TSHZ1: variants seen among roughly 807,000 people sequenced by gnomAD.
The protein encoded by TSHZ1 is teashirt zinc finger homeobox 1.
Under a neutral mutation model 67.1 loss-of-function variants are expected in TSHZ1, and 12 were observed. The ratio of observed to expected loss-of-function variants is 0.18; its 90% CI spans 0.11 to 0.29. The LOEUF (loss-of-function observed/expected upper bound fraction) is 0.29. Among genes scored for constraint, TSHZ1 ranks in the 10% least tolerant of loss-of-function variants. TSHZ1 has a pLI of 1.00. For missense variants in TSHZ1, 1,305 were observed against 1,413.9 expected (o/e 0.92, Z 1.23); for synonymous variants, 632 against 622.4 (o/e 1.02, Z -0.23).
intron 1 of TSHZ1, among the ~76,000 whole-genome samples, chr18:75,276,479 C>T (rs2023614827): frequency 6.6e-6 from 1 of 151,856 alleles, no homozygotes; most frequent in South Asian, 2.1e-4. Context: ...TTTTTGTTTC[C>T]CAGCGTATTC....
At chr18:75,232,983 G>A (rs1361339694) in intron 1 of TSHZ1, among the ~76,000 whole-genome samples, 1 of 152,166 alleles carries the variant, frequency 6.6e-6, no homozygotes, top group Non-Finnish European at 1.5e-5. Flanking sequence ...AAGGGACTGG[G>A]GGTCTGTATT....
chr18:75,263,268 T>G (rs771997312), intron 1 of TSHZ1, among the ~76,000 whole-genome samples: 19 of 152,242 alleles, frequency 1.2e-4, no homozygotes, highest in Non-Finnish European at 2.8e-4. Flanking sequence ...TTTATCGCTT[T>G]GACTTATGAC....
Position 75,215,932 on chromosome 18 carries a change from T to A in TSHZ1, c.40+4016T>A, listed in dbSNP as rs1323557813. Among the ~76,000 whole-genome samples, 6 of 151,720 alleles carry A rather than the reference T, an allele frequency of 4.0e-5. No individual in the cohort carries two copies. In the South Asian group the frequency reaches 8.4e-4, roughly 21 times the overall value. ...TCTGCTGGGAGTGTGTGTGCTGGAGTCTCTGTGCTTATACTCTGTGTATGT... is the reference window on the plus strand; with the variant it reads ...TCTGCTGGGAGTGTGTGTGCTGGAGACTCTGTGCTTATACTCTGTGTATGT... On this transcript the variant is annotated intron_variant, in intron 1 of 1. Coordinates refer to ENST00000580243, the MANE Select transcript of TSHZ1 (RefSeq NM_001308210.2).
At position 75,210,902 on chromosome 18, in the gene TSHZ1, G is replaced by C. The variant is rs868515398; in HGVS notation, c.-975G>C. 1.3e-5 allele frequency: 2 copies of C among 151,126 alleles called. No homozygotes were observed. Among genetic ancestry groups the C allele is most frequent in the East Asian group, 2.0e-4 (1 of 5,098 alleles). 9.4% of individuals were successfully genotyped at this position (151,126 alleles called of 1,614,324 possible). A position where few individuals can be genotyped will look rare whatever the true frequency, so the allele number is the denominator to read the frequency against. On this transcript the variant is annotated 5_prime_UTR_variant, in exon 1 of 2. Coordinates refer to ENST00000580243, the MANE Select transcript of TSHZ1 (RefSeq NM_001308210.2). ...CCTCTCTCCCAGGAGTTTGAGGGGG[G>C]GGGGGACAGTCCACGCTCATCTCGC...
intron 1 of TSHZ1, among the ~76,000 whole-genome samples, chr18:75,222,752 C>A (rs533030501): frequency 2.0e-5 from 3 of 152,312 alleles, no homozygotes; most frequent in Admixed American, 2.0e-4. Context: ...TGTGGAGACA[C>A]ATTCGAATCC....
intron 1 of TSHZ1, among the ~76,000 whole-genome samples, chr18:75,251,348 C>G (rs1197660502): frequency 6.6e-6 from 1 of 151,836 alleles, no homozygotes; most frequent in Non-Finnish European, 1.5e-5. Context: ...GGGTCTTTTT[C>G]TTTCTTGTTT....
At chr18:75,267,012 A>G (rs934075995) in intron 1 of TSHZ1, among the ~76,000 whole-genome samples, 1 of 152,248 alleles carries the variant, frequency 6.6e-6, no homozygotes, top group Non-Finnish European at 1.5e-5. Context: ...AGCATTTTCA[A>G]AATTTTCTGA....
intron 1 of TSHZ1, among the ~76,000 whole-genome samples, chr18:75,282,199 G>T (rs1371952928): frequency 6.6e-6 from 1 of 152,208 alleles, no homozygotes; most frequent in Non-Finnish European, 1.5e-5. Context: ...AGAATGGACT[G>T]TCTTGGAGCG....
At chr18:75,232,690 C>T (rs570159407) in intron 1 of TSHZ1, among the ~76,000 whole-genome samples, 1 of 152,250 alleles carries the variant, frequency 6.6e-6, no homozygotes, top group Non-Finnish European at 1.5e-5. Flanking sequence ...CCAGTTCATT[C>T]ACATTTTAAA....
intron 1 of TSHZ1, among the ~76,000 whole-genome samples, chr18:75,236,621 A>G (rs1281384379): frequency 6.6e-6 from 1 of 152,182 alleles, no homozygotes; most frequent in Non-Finnish European, 1.5e-5. Context: ...CCATGGGGAC[A>G]GGGGTTTTGT....
chr18:75,231,103 C>T (rs1200863309), intron 1 of TSHZ1, among the ~76,000 whole-genome samples: 1 of 152,196 alleles, frequency 6.6e-6, no homozygotes, highest in Non-Finnish European at 1.5e-5. Flanking sequence ...AGTTTCTCTC[C>T]AGTGGTGGAG....
At chr18:75,246,051 C>T (rs893695070) in intron 1 of TSHZ1, among the ~76,000 whole-genome samples, 17 of 152,334 alleles carry the variant, frequency 1.1e-4, no homozygotes, top group African/African-American at 3.6e-4. Context: ...CTTCCAGGCA[C>T]GTCACCAGCA....
At chr18:75,234,597 T>C (rs956154041) in intron 1 of TSHZ1, among the ~76,000 whole-genome samples, 34 of 151,912 alleles carry the variant, frequency 2.2e-4, no homozygotes, top group African/African-American at 3.1e-4. Flanking sequence ...GGTTTTTTTT[T>C]CCCCCCATTA....
At chr18:75,254,370 G>A (rs143674697) in intron 1 of TSHZ1, among the ~76,000 whole-genome samples, 6 of 152,262 alleles carry the variant, frequency 3.9e-5, no homozygotes, top group Middle Eastern at 3.4e-3. Context: ...GTAAAACCTC[G>A]TCTATGCAGA....
Position 75,288,837 on chromosome 18 carries a change from T to C in TSHZ1, c.*196T>C. ...CATGTTATTTTTCTTTTTCCGTGAG[T>C]CAAAGTCTGACCTTTATTTTCAACA... On this transcript the variant is annotated 3_prime_UTR_variant, in exon 2 of 2. Coordinates refer to ENST00000580243, the MANE Select transcript of TSHZ1 (RefSeq NM_001308210.2). This position sits in a 1 kb window ranked among gnomAD's most constrained non-coding sequence, Gnocchi z 4.9. 2.2e-6 allele frequency: 2 copies of C among 890,530 alleles called. No homozygotes were observed. The highest frequency in any genetic ancestry group is 1.6e-6 in the Non-Finnish European group (1 of 637,152). 55.2% of individuals were successfully genotyped at this position (890,530 alleles called of 1,614,324 possible). A position where few individuals can be genotyped will look rare whatever the true frequency, so the allele number is the denominator to read the frequency against.
intron 1 of TSHZ1, among the ~76,000 whole-genome samples, chr18:75,258,821 G>A (rs1190268786): frequency 1.3e-5 from 2 of 152,120 alleles, no homozygotes; most frequent in Non-Finnish European, 2.9e-5. Context: ...GCAGGTGACT[G>A]TGCCATCCAC....
chr18:75,237,511 G>C (rs1226475895), intron 1 of TSHZ1, among the ~76,000 whole-genome samples: 2 of 152,060 alleles, frequency 1.3e-5, no homozygotes, highest in Non-Finnish European at 2.9e-5. Flanking sequence ...AACCGAGAAA[G>C]GCCTTGTCTT....
intron 1 of TSHZ1, among the ~76,000 whole-genome samples, chr18:75,272,849 T>A (rs1158261120): frequency 6.6e-6 from 1 of 152,254 alleles, no homozygotes; most frequent in Non-Finnish European, 1.5e-5. Context: ...GACAGTGTTA[T>A]TTACTATCCA....
rs137883380 is a variant in TSHZ1 at position 75,269,011 on chromosome 18, T to A, written c.41-16437T>A. On this transcript the variant is annotated intron_variant, in intron 1 of 1. Transcript: ENST00000580243. ...AAGAACTGTGTTTGATTGACGACAG[T>A]GAGGCTTCATGTTGACTGCCACATG... Among the ~76,000 whole-genome samples the A allele has an allele frequency of 2.5e-3, 386 of 152,312 alleles. 4 individuals carry two copies. The highest frequency in any genetic ancestry group is 0.022 in the Admixed American group (336 of 15,306).
Sources: allele counts gnomAD v4.1 joint callset (sites outside exome capture counted in the v4.1 genomes callset), GRCh38; gene constraint gnomAD v4.1.1; non-coding constraint Gnocchi (gnomAD v3.1); transcripts MANE v1.5; gene names NCBI Gene and HGNC (gene_info 2026-07-23, HGNC 2026-07-21).